The following PRELID2 variants were observed in gnomAD, a reference collection of about 807,000 sequenced individuals.
The protein encoded by PRELID2 is PRELI domain containing 2, also known as PRELI domain-containing protein 2.
Under a neutral mutation model 28.4 loss-of-function variants are expected in PRELID2, and 25 were observed. The ratio of observed to expected loss-of-function variants is 0.88; its 90% CI spans 0.64 to 1.23. PRELID2 has a LOEUF of 1.23. Ranked by LOEUF, PRELID2 falls within the 50% of genes most tolerant of loss-of-function variation. PRELID2 has a pLI of 0.00. For missense variants in PRELID2, 201 were observed against 214.4 expected (o/e 0.94, Z 0.39); for synonymous variants, 76 against 71.6 (o/e 1.06, Z -0.31).
the PRELID2 span, among the ~76,000 whole-genome samples, chr5:145,459,605 AT>A: frequency 6.6e-6 from 1 of 151,970 alleles, no homozygotes; most frequent in South Asian, 2.1e-4. Flanking sequence ...TAACATATTT[AT>A]TTTTTCATAT....
the PRELID2 span, among the ~76,000 whole-genome samples, chr5:145,392,948 C>T: frequency 1.3e-5 from 2 of 152,162 alleles, no homozygotes; most frequent in African/African-American, 4.8e-5. Flanking sequence ...TGTGTCAAAG[C>T]TCATTTGTCC....
intron 1 of PRELID2, among the ~76,000 whole-genome samples, chr5:145,510,139 G>A (rs540125050): frequency 2.6e-5 from 4 of 152,212 alleles, no homozygotes; most frequent in South Asian, 2.1e-4. Context: ...AAATAGCTAC[G>A]CTAGTGACTG....
At chr5:145,644,698 G>A (rs1301062018) in intron 1 of PRELID2, among the ~76,000 whole-genome samples, 3 of 152,186 alleles carry the variant, frequency 2.0e-5, no homozygotes, top group Non-Finnish European at 4.4e-5. Flanking sequence ...GTGTCCCAGA[G>A]ATTCTGGTAT....
At chr5:145,603,171 G>A (rs77229050) in intron 1 of PRELID2, among the ~76,000 whole-genome samples, 10,615 of 151,616 alleles carry the variant, frequency 0.07, 568 homozygotes, top group Admixed American at 0.18. Context: ...TACTACTATT[G>A]AAAGAAGTAA....
chr5:145,540,089 T>C (rs1238423770), intron 1 of PRELID2, among the ~76,000 whole-genome samples: 1 of 151,974 alleles, frequency 6.6e-6, no homozygotes, highest in South Asian at 2.1e-4. Flanking sequence ...GATTGCACTG[T>C]GCATTTGGAC....
At chr5:145,570,621 G>A (rs569763903) in intron 1 of PRELID2, among the ~76,000 whole-genome samples, 1 of 152,054 alleles carries the variant, frequency 6.6e-6, no homozygotes, top group African/African-American at 2.4e-5. Context: ...AATCATATTA[G>A]CTCCACCTTC....
the PRELID2 span, among the ~76,000 whole-genome samples, chr5:145,296,498 A>G: frequency 6.6e-6 from 1 of 152,090 alleles, no homozygotes; most frequent in Non-Finnish European, 1.5e-5. Context: ...AATTTCATCC[A>G]TGTCCATACA....
chr5:145,754,067 C>G (rs1273235324), downstream of PRELID2: 2 of 152,168 alleles, frequency 1.3e-5, no homozygotes, highest in African/African-American at 2.4e-5. Flanking sequence ...CAAGGATGTC[C>G]TCAAACCAGG....
intron 1 of PRELID2, among the ~76,000 whole-genome samples, chr5:145,592,104 T>G (rs931108229): frequency 1.7e-4 from 26 of 152,092 alleles, no homozygotes; most frequent in African/African-American, 6.3e-4. Flanking sequence ...GAAACAACCA[T>G]CTTGCGCATC....
intron 1 of PRELID2, among the ~76,000 whole-genome samples, chr5:145,647,234 G>A (rs1188409524): frequency 6.6e-6 from 1 of 152,178 alleles, no homozygotes; most frequent in African/African-American, 2.4e-5. Context: ...AATCTAGGGA[G>A]GCAGTCTGGC....
At chr5:145,518,192 G>A (rs1038164933) in intron 1 of PRELID2, among the ~76,000 whole-genome samples, 2 of 150,884 alleles carry the variant, frequency 1.3e-5, no homozygotes, top group Admixed American at 6.6e-5. Flanking sequence ...TGTCATGAGT[G>A]CACTCTTGGT....
chr5:145,311,271 T>TAGAGTGC, the PRELID2 span, among the ~76,000 whole-genome samples: 1 of 152,184 alleles, frequency 6.6e-6, no homozygotes, highest in African/African-American at 2.4e-5. Flanking sequence ...AGGGAGGTGC[T>TAGAGTGC]AGAGTGCAGC....
At chr5:145,817,709 CT>C in intron 4 of PRELID2, among the ~76,000 whole-genome samples, 184 bp downstream of exon 4, 1 of 151,966 alleles carries the variant, frequency 6.6e-6, no homozygotes, top group Admixed American at 6.6e-5. Context: ...AGAAGGTGAA[CT>C]CTATCATTTC....
intron 1 of PRELID2, among the ~76,000 whole-genome samples, chr5:145,578,039 T>A (rs1312688869): frequency 1.3e-5 from 2 of 152,034 alleles, no homozygotes; most frequent in Non-Finnish European, 2.9e-5. Flanking sequence ...TCTTACTAAT[T>A]TCCCCAACAT....
chr5:145,674,766 C>T (rs985664680), intron 1 of PRELID2, among the ~76,000 whole-genome samples: 4 of 151,984 alleles, frequency 2.6e-5, no homozygotes, highest in African/African-American at 9.7e-5. Context: ...GGCCAATATG[C>T]TGAAACCCTG....
At chr5:145,363,306 T>C in the PRELID2 span, among the ~76,000 whole-genome samples, 1,895 of 152,156 alleles carry the variant, frequency 0.012, 19 homozygotes, top group Non-Finnish European at 0.018. Context: ...AATAAATGTA[T>C]TAGTATCCAA....
chr5:145,420,570 G>C, the PRELID2 span, among the ~76,000 whole-genome samples: 1 of 136,316 alleles, frequency 7.3e-6, no homozygotes, highest in South Asian at 2.5e-4. Context: ...TGTGATTTTT[G>C]TACATTGATT....
chr5:145,348,645 T>G, the PRELID2 span, among the ~76,000 whole-genome samples: 2 of 152,006 alleles, frequency 1.3e-5, no homozygotes, highest in Admixed American at 1.3e-4. Flanking sequence ...TGCAGCCATT[T>G]TTTTTTTTAC....
chr5:145,273,829 C>A, the PRELID2 span, among the ~76,000 whole-genome samples: 2 of 152,116 alleles, frequency 1.3e-5, no homozygotes, highest in Non-Finnish European at 2.9e-5. Context: ...GGCAGGGAAA[C>A]AAGCCCTATG....
Sources: gnomAD v4.1 joint callset for allele counts (sites outside exome capture counted in the v4.1 genomes callset) on GRCh38, gnomAD v4.1.1 for gene constraint, MANE v1.5 for transcripts, NCBI Gene and HGNC (gene_info 2026-07-23, HGNC 2026-07-21) for gene names.